LRP1B: variants seen among roughly 807,000 people sequenced by gnomAD.
The protein encoded by LRP1B is LDL receptor related protein 1B, also known as low-density lipoprotein receptor-related protein 1B.
LRP1B carries 217 observed loss-of-function variants against 556.6 expected under a neutral mutation model. That is an observed-to-expected ratio of 0.39 (90% confidence interval 0.35 to 0.44). The LOEUF (loss-of-function observed/expected upper bound fraction) is 0.44. Ranked by LOEUF, LRP1B falls within the 20% of genes least tolerant of loss-of-function variation. LRP1B has a pLI of 1.00. For missense variants in LRP1B, 5,053 were observed against 5,620.8 expected (o/e 0.90, Z 3.23); for synonymous variants, 2,047 against 1,865.8 (o/e 1.10, Z -2.50).
At chr2:141,097,888 G>T (rs1433667223) in intron 7 of LRP1B, among the ~76,000 whole-genome samples, 2 of 152,132 alleles carry the variant, frequency 1.3e-5, no homozygotes, top group Non-Finnish European at 2.9e-5. Context: ...AATTAAGTGA[G>T]CCTAGAACTA....
intron 23 of LRP1B, among the ~76,000 whole-genome samples, chr2:140,888,488 T>C (rs1488436944): frequency 1.3e-5 from 2 of 151,182 alleles, no homozygotes; most frequent in African/African-American, 2.4e-5. Context: ...CAGACTTGAT[T>C]TTATATATAT....
At chr2:140,857,686 T>C (rs1416544985) in intron 27 of LRP1B, among the ~76,000 whole-genome samples, 3 of 152,148 alleles carry the variant, frequency 2.0e-5, no homozygotes, top group African/African-American at 7.2e-5. Flanking sequence ...AAGTAGAATA[T>C]AACATGTCTA....
chr2:141,506,815 C>A (rs1683950586), intron 2 of LRP1B, among the ~76,000 whole-genome samples: 1 of 151,736 alleles, frequency 6.6e-6, no homozygotes, highest in Non-Finnish European at 1.5e-5. Flanking sequence ...AAAAAGTGCC[C>A]TTGGGAAAAA....
At chr2:142,122,534 G>A (rs1178348043) in intron 1 of LRP1B, among the ~76,000 whole-genome samples, 3 of 152,046 alleles carry the variant, frequency 2.0e-5, no homozygotes, top group East Asian at 1.9e-4. Flanking sequence ...TCAATATAGT[G>A]CTCCTGAACT....
At chr2:141,189,711 T>C (rs947294485) in intron 6 of LRP1B, among the ~76,000 whole-genome samples, 4 of 152,032 alleles carry the variant, frequency 2.6e-5, no homozygotes, top group Non-Finnish European at 4.4e-5. Flanking sequence ...AACAAGTGAC[T>C]ACTATGACTG....
At chr2:140,811,842 T>C (rs1690937446) in intron 32 of LRP1B, among the ~76,000 whole-genome samples, 1 of 152,156 alleles carries the variant, frequency 6.6e-6, no homozygotes, top group Admixed American at 6.5e-5. Context: ...ACAACCCTTT[T>C]GTTTTATATA....
intron 7 of LRP1B, among the ~76,000 whole-genome samples, chr2:141,101,875 A>G (rs1490863453): frequency 1.3e-5 from 2 of 152,162 alleles, no homozygotes; most frequent in Non-Finnish European, 2.9e-5. Flanking sequence ...ATGCTTTCAC[A>G]TAGTGAAAAT....
intron 1 of LRP1B, among the ~76,000 whole-genome samples, chr2:142,090,515 A>G (rs184413627): frequency 6.6e-6 from 1 of 152,264 alleles, no homozygotes; most frequent in African/African-American, 2.4e-5. Flanking sequence ...TGAGAACCCA[A>G]TGTTTTAAAA....
chr2:142,093,900 G>A (rs900764069), intron 1 of LRP1B, among the ~76,000 whole-genome samples: 1 of 152,014 alleles, frequency 6.6e-6, no homozygotes, highest in Admixed American at 6.6e-5. Context: ...AGCTGCCTTA[G>A]TTTATTTGAA....
chr2:140,849,200 CA>C (rs70988447), intron 29 of LRP1B, among the ~76,000 whole-genome samples: 71 of 100,504 alleles, frequency 7.1e-4, no homozygotes, highest in African/African-American at 2.8e-3. Context: ...ACTAAAAATA[CA>C]AAAAAAAAAA....
intron 79 of LRP1B, among the ~76,000 whole-genome samples, chr2:140,331,336 A>C (rs1002224196): frequency 2.6e-5 from 4 of 152,050 alleles, no homozygotes; most frequent in African/African-American, 9.7e-5. Flanking sequence ...CTGTCATGGA[A>C]CACATTGCTT....
chr2:141,570,027 G>A (rs967676029), intron 2 of LRP1B, among the ~76,000 whole-genome samples: 1 of 151,032 alleles, frequency 6.6e-6, no homozygotes, highest in African/African-American at 2.4e-5. Flanking sequence ...GAGCCCAAGA[G>A]TTTGAAACCA....
intron 3 of LRP1B, among the ~76,000 whole-genome samples, chr2:141,442,356 CA>C (rs1681009322): frequency 6.6e-6 from 1 of 150,456 alleles, no homozygotes; most frequent in South Asian, 2.1e-4. Flanking sequence ...AACAAAAATT[CA>C]TGTAAAAAAC....
intron 2 of LRP1B, among the ~76,000 whole-genome samples, chr2:141,597,456 A>T (rs1286044667): frequency 6.6e-6 from 1 of 152,026 alleles, no homozygotes; most frequent in Non-Finnish European, 1.5e-5. Context: ...TAACATGTTC[A>T]ATTTGCCCTT....
intron 42 of LRP1B, 22 bp downstream of exon 42, chr2:140,601,428 A>T (rs755023410): frequency 6.5e-7 from 1 of 1,532,816 alleles, no homozygotes; most frequent in South Asian, 1.3e-5. Context: ...TAATGAAGAA[A>T]TAAAACTACA....
At chr2:141,646,278 T>C (rs928630857) in intron 2 of LRP1B, among the ~76,000 whole-genome samples, 4 of 152,098 alleles carry the variant, frequency 2.6e-5, no homozygotes, top group African/African-American at 9.7e-5. Context: ...GAAAACCAAA[T>C]GTATATAGTG....
chr2:141,336,239 G>C (rs2105505752), intron 3 of LRP1B, among the ~76,000 whole-genome samples: 1 of 151,988 alleles, frequency 6.6e-6, no homozygotes, highest in South Asian at 2.1e-4. Flanking sequence ...CTCTTAAATG[G>C]TGATGTTCCC....
rs1275987534 is a variant in LRP1B, at chr2:141,254,513, T to C, written c.463+9A>G. The C allele has an allele frequency of 6.2e-7, 1 of 1,610,986 alleles. No homozygotes were observed. On this transcript the variant is annotated intron_variant, in intron 4 of 90. Transcript: ENST00000389484. ...AACAAAATTTGATGGCGTTATATGT[T>C]TTACTTACCTTTACAGCTTCTCCCA...
At chr2:142,104,871 A>T (rs1201305623) in intron 1 of LRP1B, among the ~76,000 whole-genome samples, 1 of 152,186 alleles carries the variant, frequency 6.6e-6, no homozygotes, top group East Asian at 1.9e-4. Context: ...AAGCTCTCCA[A>T]TCAATTTTCT....
Sources: allele counts gnomAD v4.1 joint callset (sites outside exome capture counted in the v4.1 genomes callset), GRCh38; gene constraint gnomAD v4.1.1; transcripts MANE v1.5; gene names NCBI Gene and HGNC (gene_info 2026-07-23, HGNC 2026-07-21).